Variants in ROR1 observed in about 807,000 individuals in gnomAD.
ROR1 encodes the protein inactive tyrosine-protein kinase transmembrane receptor ROR1.
A neutral mutation model predicts 78.8 loss-of-function variants in ROR1; 19 were observed. The observed-to-expected ratio is 0.24, with a 90% confidence interval of 0.17 to 0.35. ROR1 has a LOEUF of 0.35. ROR1 is among the 10% of genes least tolerant of loss of function. The probability of loss-of-function intolerance (pLI) is 1.00; values close to 1 mark genes in which losing one functional copy is unlikely to be tolerated. For synonymous variants in ROR1, 386 were observed against 433.6 expected (o/e 0.89, Z 1.36); for missense variants, 917 against 1,177.8 (o/e 0.78, Z 3.24).
chr1:64,141,216 A>G (rs908111792), intron 6 of ROR1, among the ~76,000 whole-genome samples: 2 of 152,224 alleles, frequency 1.3e-5, no homozygotes, highest in African/African-American at 4.8e-5. Context: ...ACATTGCTAT[A>G]AAGAAATACC....
chr1:63,788,976 C>T (rs879052309), intron 1 of ROR1: 13 of 664,132 alleles, frequency 2.0e-5, no homozygotes, highest in Middle Eastern at 3.0e-4. Context: ...CTTAGATATG[C>T]GGTATCTTCT....
At chr1:64,161,497 C>G (rs1011892382) in intron 8 of ROR1, among the ~76,000 whole-genome samples, 1 of 152,206 alleles carries the variant, frequency 6.6e-6, no homozygotes, top group Non-Finnish European at 1.5e-5. Flanking sequence ...GCATGGCAGT[C>G]TCTGAATGAT....
chr1:63,790,330 A>G (rs185069582), intron 1 of ROR1, among the ~76,000 whole-genome samples: 130 of 152,234 alleles, frequency 8.5e-4, no homozygotes, highest in South Asian at 2.1e-4. Flanking sequence ...TGGTGTGACT[A>G]TCTAGGAATT....
chr1:64,052,755 A>G (rs1168884870), intron 4 of ROR1, among the ~76,000 whole-genome samples: 4 of 152,224 alleles, frequency 2.6e-5, no homozygotes, highest in African/African-American at 7.2e-5. Flanking sequence ...AGGGAGTTAC[A>G]ATAAAATACA....
intron 1 of ROR1, among the ~76,000 whole-genome samples, chr1:63,807,563 C>A (rs1644837361): frequency 6.6e-6 from 1 of 152,208 alleles, no homozygotes; most frequent in Non-Finnish European, 1.5e-5. Context: ...CCATTTCTGG[C>A]TGTCCCAGGC....
Position 64,063,654 on chromosome 1 carries a change from CACAA to C in ROR1, c.482+12942_482+12945del, listed in dbSNP as rs561728309. ...TCTCTCTCTCTCTCTCCCATACACACACAAACACACTCATTCACACAGTCACACA... is the reference window on the plus strand; with the variant it reads ...TCTCTCTCTCTCTCTCCCATACACACACACACTCATTCACACAGTCACACA... On this transcript the variant is annotated intron_variant, in intron 4 of 8. Transcript: ENST00000371079. 3.5e-3 allele frequency among the ~76,000 whole-genome samples: 527 copies of C among 152,194 alleles called. 3 individuals are homozygous for C. The highest frequency in any genetic ancestry group is 0.012 in the African/African-American group (497 of 41,536).
At chr1:63,889,343 C>T (rs1645378635) in intron 1 of ROR1, among the ~76,000 whole-genome samples, 1 of 152,156 alleles carries the variant, frequency 6.6e-6, no homozygotes, top group African/African-American at 2.4e-5. Flanking sequence ...ATCTTGAAGG[C>T]TGGTTACCAT....
intron 1 of ROR1, among the ~76,000 whole-genome samples, chr1:63,793,795 G>C (rs978775597): frequency 1.3e-5 from 2 of 152,200 alleles, no homozygotes; most frequent in Non-Finnish European, 2.9e-5. Flanking sequence ...GATCAGAGCC[G>C]AGCCATCCAG....
chr1:64,037,176 G>T (rs1003766283), intron 2 of ROR1, among the ~76,000 whole-genome samples: 1 of 152,072 alleles, frequency 6.6e-6, no homozygotes, highest in Non-Finnish European at 1.5e-5. Flanking sequence ...AGAAAGACAC[G>T]ATCACAGAGG....
At position 64,097,395 on chromosome 1, in the gene ROR1, G is replaced by A. The variant is rs142979649; in HGVS notation, c.483-39974G>A. 2.5e-3 allele frequency among the ~76,000 whole-genome samples: 379 copies of A among 152,154 alleles called. 3 individuals carry two copies. Among genetic ancestry groups the A allele is most frequent in the African/African-American group, 8.7e-3 (362 of 41,502 alleles). ...ATTCAGGAGAATCTCCTTATTTTGA[G>A]GTCAGCTGATTACTGATCTTAATGC... On this transcript the variant is annotated intron_variant, in intron 4 of 8. Transcript: ENST00000371079.
At chr1:63,789,422 G>A (rs912352366) in intron 1 of ROR1, 4 of 318,664 alleles carry the variant, frequency 1.3e-5, no homozygotes, top group East Asian at 6.6e-5. Flanking sequence ...GCCTGCTGTC[G>A]GGACTGGGCA....
chr1:64,034,314 A>T (rs1403679251), intron 2 of ROR1, among the ~76,000 whole-genome samples: 1 of 151,770 alleles, frequency 6.6e-6, no homozygotes, highest in East Asian at 1.9e-4. Flanking sequence ...TTGTTTGAAA[A>T]TTTTTTTAGC....
chr1:63,905,436 T>A (rs1457369671), intron 1 of ROR1, among the ~76,000 whole-genome samples: 2 of 152,244 alleles, frequency 1.3e-5, no homozygotes, highest in Non-Finnish European at 2.9e-5. Flanking sequence ...TTATGAGTTT[T>A]AATTTTCTTC....
intron 1 of ROR1, among the ~76,000 whole-genome samples, chr1:63,801,700 A>C (rs758511844): frequency 3.3e-5 from 5 of 152,218 alleles, no homozygotes; most frequent in African/African-American, 4.8e-5. Context: ...CTTTTTATCC[A>C]GCACTCATTA....
chr1:64,132,888 A>G (rs1213917274), intron 4 of ROR1, among the ~76,000 whole-genome samples: 1 of 151,778 alleles, frequency 6.6e-6, no homozygotes, highest in Non-Finnish European at 1.5e-5. Flanking sequence ...CATGCCCTGT[A>G]TATTCTGATG....
intron 1 of ROR1, among the ~76,000 whole-genome samples, chr1:63,820,319 A>G (rs935680410): frequency 6.6e-6 from 1 of 152,128 alleles, no homozygotes; most frequent in East Asian, 1.9e-4. Context: ...TGGTTGTTTC[A>G]TGAAATCTAC....
At chr1:63,821,997 C>T (rs1644926586) in intron 1 of ROR1, among the ~76,000 whole-genome samples, 1 of 152,188 alleles carries the variant, frequency 6.6e-6, no homozygotes, top group African/African-American at 2.4e-5. Flanking sequence ...ATATTTGGTG[C>T]AGACATTTTC....
At chr1:64,058,570 G>T (rs1440172118) in intron 4 of ROR1, among the ~76,000 whole-genome samples, 2 of 146,244 alleles carry the variant, frequency 1.4e-5, no homozygotes, top group African/African-American at 5.0e-5. Context: ...AGTGCTCTTT[G>T]TGTGTCCATT....
chr1:63,804,925 G>A (rs78253631), intron 1 of ROR1, among the ~76,000 whole-genome samples: 1 of 152,196 alleles, frequency 6.6e-6, no homozygotes, highest in Non-Finnish European at 1.5e-5. Flanking sequence ...GAATGCTAGA[G>A]CCTGAGATCT....
Sources: allele counts gnomAD v4.1 joint callset (sites outside exome capture counted in the v4.1 genomes callset), GRCh38; gene constraint gnomAD v4.1.1; transcripts MANE v1.5; gene names NCBI Gene and HGNC (gene_info 2026-07-23, HGNC 2026-07-21).